The following NPR2 variants were observed in gnomAD, a reference collection of about 807,000 sequenced individuals.
NPR2 encodes natriuretic peptide receptor 2, also known as atrial natriuretic peptide receptor 2.
Under a neutral mutation model 120.7 loss-of-function variants are expected in NPR2, and 49 were observed. That is an observed-to-expected ratio of 0.41 (90% confidence interval 0.32 to 0.52). The LOEUF is 0.52. NPR2 is among the 20% of genes least tolerant of loss of function. The pLI is 0.36. For missense variants in NPR2, 931 were observed against 1,362.9 expected, an observed-to-expected ratio of 0.68 and a Z score of 4.99; for synonymous variants, 484 against 519.8, an observed-to-expected ratio of 0.93 and a Z score of 0.94.
chr9:35,801,122 C>T lies in NPR2; in HGVS notation c.1404C>T (p.Ile468=). 5 of 1,614,100 alleles carry T rather than the reference C, an allele frequency of 3.1e-6. No individual in the cohort carries two copies. Among genetic ancestry groups the T allele is most frequent in the Non-Finnish European group, 4.2e-6 (5 of 1,179,928 alleles). ...IVALGTGITF[I]MFGVSSFLIF... is the part of the protein sequence containing the mutation. ...CTCTGGGCACAGGAATCACCTTCAT[C>T]ATGTTTGGTGTTTCCAGCTTCCTAA... Residue 468 remains isoleucine, a synonymous_variant, in exon 7 of 22, where the codon ATC becomes ATT. Transcript: ENST00000342694.
intron 2 of NPR2, among the ~76,000 whole-genome samples, chr9:35,794,898 G>C (rs750267080): frequency 8.6e-5 from 13 of 152,006 alleles, no homozygotes; most frequent in Non-Finnish European, 7.4e-5. Context: ...GATTAGAAGA[G>C]GGGGAGACCT....
At position 35,802,530 on chromosome 9, in the gene NPR2, A is replaced by T; in HGVS notation, c.1738A>T (p.Thr580Ser). ...HMRDVQFNHL[T>S]RFIGACIDPP... Reference sequence around the variant, plus strand: ...GAGAGATGTTCAGTTCAACCATCTCACTCGCTTCATTGGCGCCTGCATAGA... The same window carrying T: ...GAGAGATGTTCAGTTCAACCATCTCTCTCGCTTCATTGGCGCCTGCATAGA... Residue 580 changes from threonine to serine, a missense_variant, in exon 11 of 22, where the codon ACT (threonine) becomes TCT (serine). Physicochemically the swap from Thr to Ser is moderately conservative, Grantham distance 58. Around this residue, in one of 3 missense-constraint regions of NPR2, gnomAD observed 681 missense variants for 974.3 expected, o/e 0.70. Coordinates refer to ENST00000342694, the MANE Select transcript of NPR2 (RefSeq NM_003995.4). The surrounding 1 kb of genome is among the most constrained non-coding windows in gnomAD (Gnocchi z 4.2). 6.2e-7 allele frequency: 1 copy of T among 1,605,074 alleles called. No homozygotes were observed. The highest frequency in any genetic ancestry group is 8.5e-7 in the Non-Finnish European group (1 of 1,171,800).
chr9:35,802,419 G>GACCT lies in NPR2; in HGVS notation c.1711-84_1711-83insACCT. Reference sequence around the variant, plus strand: ...AATCGTAGATACAACTAAGAGAAAGGTCCTCTTATGTAGTGGTAAGTTTCT... The same window carrying GACCT: ...AATCGTAGATACAACTAAGAGAAAGGACCTTCCTCTTATGTAGTGGTAAGTTTCT... On this transcript the variant is annotated intron_variant, in intron 10 of 21. Coordinates refer to ENST00000342694, the MANE Select transcript of NPR2 (RefSeq NM_003995.4). This position sits in a 1 kb window ranked among gnomAD's most constrained non-coding sequence, Gnocchi z 4.2. The GACCT allele has an allele frequency of 1.1e-6, 1 of 949,696 alleles. No individual in the cohort carries two copies. Among genetic ancestry groups the GACCT allele is most frequent in the Non-Finnish European group, 1.7e-6 (1 of 575,384 alleles). 58.8% of individuals were successfully genotyped at this position (949,696 alleles called of 1,614,324 possible).
chr9:35,803,506 C>T (rs1290556348), intron 12 of NPR2, among the ~76,000 whole-genome samples: 1 of 152,236 alleles, frequency 6.6e-6, no homozygotes, highest in Non-Finnish European at 1.5e-5. Flanking sequence ...CAATATTTGG[C>T]ATGTCTGCCC....
chr9:35,792,261 C>G lies in NPR2; in HGVS notation c.-148C>G. ...ATCTCCCCCTCCTCTCCCCGGCCCC[C>G]AGCACCTTCTGCATCCCAGCCTACC... On this transcript the variant is annotated 5_prime_UTR_variant, in exon 1 of 22. Transcript: ENST00000342694. 1 of 816,948 alleles carries G rather than the reference C, an allele frequency of 1.2e-6. No individual in the cohort carries two copies. Among genetic ancestry groups the G allele is most frequent in the Non-Finnish European group, 1.9e-6 (1 of 531,508 alleles). 50.6% of individuals were successfully genotyped at this position (816,948 alleles called of 1,614,324 possible).
Position 35,809,601 on chromosome 9 carries a change from G to T in NPR2, c.*156G>T. 1 of 1,268,624 alleles carries T rather than the reference G, an allele frequency of 7.9e-7. No individual in the cohort carries two copies. The highest frequency in any genetic ancestry group is 1.1e-6 in the Non-Finnish European group (1 of 871,348). The allele number at this position is 1,268,624 out of a possible 1,614,324, so 78.6% of individuals were successfully genotyped here. ...TATATGGAAGTTGTAGCCCTCTGCA[G>T]CTCAGCCCTGTACATATACCTGTCC... is the stretch of plus-strand genomic sequence containing the variant. On this transcript the variant is annotated 3_prime_UTR_variant, in exon 22 of 22. Coordinates refer to ENST00000342694, the MANE Select transcript of NPR2 (RefSeq NM_003995.4). This position sits in a 1 kb window ranked among gnomAD's most constrained non-coding sequence, Gnocchi z 4.1.
Position 35,791,944 on chromosome 9 carries a change from AC to A in NPR2, c.-460del, listed in dbSNP as rs1827793190. On this transcript the variant is annotated 5_prime_UTR_variant, in exon 1 of 22. It introduces an in-frame stop codon into an upstream open reading frame of the 5' UTR. Transcript: ENST00000342694. The stretch of plus-strand genomic sequence containing the variant: ...CGCGGCGCGGGCACCCTCCCACCTT[AC>A]CCCCTTGGTCCTATGTGGCGCAGCG... Among the ~76,000 whole-genome samples, 1 of 147,202 alleles carries A rather than the reference AC, an allele frequency of 6.8e-6. No homozygotes were observed. Among genetic ancestry groups the A allele is most frequent in the Admixed American group, 6.7e-5 (1 of 14,940 alleles).
At chr9:35,793,352 C>T (rs1428733183) in intron 1 of NPR2, among the ~76,000 whole-genome samples, 1 of 152,088 alleles carries the variant, frequency 6.6e-6, no homozygotes, top group Non-Finnish European at 1.5e-5. Flanking sequence ...TATTAAGTTT[C>T]GGGAGCAATG....
At position 35,806,657 on chromosome 9, in the gene NPR2, C is replaced by A; in HGVS notation, c.2519+119C>A. 9.3e-7 allele frequency: 1 copy of A among 1,073,210 alleles called. No individual in the cohort carries two copies. Among genetic ancestry groups the A allele is most frequent in the African/African-American group, 1.5e-5 (1 of 64,574 alleles). 66.5% of individuals were successfully genotyped at this position (1,073,210 alleles called of 1,614,324 possible). A position where few individuals can be genotyped will look rare whatever the true frequency, so the allele number is the denominator to read the frequency against. On this transcript the variant is annotated intron_variant, in intron 16 of 21. Transcript: ENST00000342694. The surrounding 1 kb of genome is among the most constrained non-coding windows in gnomAD (Gnocchi z 4.6). The stretch of plus-strand genomic sequence containing the variant: ...TCAGAACCCTGCTGGCCACAGGGAG[C>A]ACCCCTGCTTATAGATTATTTGCTG...
Position 35,800,070 on chromosome 9 carries a change from G to A in NPR2, c.1036G>A (p.Glu346Lys). The change falls in exon 4 of 22, where the codon GAA becomes AAA. Residue 346 changes from glutamate to lysine, a missense_variant. Transcript: ENST00000342694. This position sits in a 1 kb window ranked among gnomAD's most constrained non-coding sequence, Gnocchi z 4.7. Reference protein sequence around the residue: ...CFYDGILLYAEVLNETIQEGG... With the variant: ...CFYDGILLYAKVLNETIQEGG... Reference sequence around the variant, plus strand: ...CTATGATGGGATCCTGCTATATGCTGAAGTCCTGAATGAGACAATACAGGA... The same window carrying A: ...CTATGATGGGATCCTGCTATATGCTAAAGTCCTGAATGAGACAATACAGGA... 1 of 1,614,156 alleles carries A rather than the reference G, an allele frequency of 6.2e-7. No individual in the cohort carries two copies. The highest frequency in any genetic ancestry group is 8.5e-7 in the Non-Finnish European group (1 of 1,180,012).
At chr9:35,793,650 T>C (rs1162246914) in intron 1 of NPR2, among the ~76,000 whole-genome samples, 3 of 152,058 alleles carry the variant, frequency 2.0e-5, no homozygotes, top group Non-Finnish European at 4.4e-5. Context: ...GGGAGGGGCT[T>C]GAGAGTGACA....
Position 35,805,387 on chromosome 9 carries a change from A to G in NPR2, c.1888-124A>G. On this transcript the variant is annotated intron_variant, in intron 12 of 21. Transcript: ENST00000342694. This position sits in a 1 kb window ranked among gnomAD's most constrained non-coding sequence, Gnocchi z 4.9. ...GTGGAAACTGCAAAGGATGCCTTCC[A>G]AAATCAGCTTATTATTTTTGTGGAC... is the stretch of plus-strand genomic sequence containing the variant. 1 of 996,650 alleles carries G rather than the reference A, an allele frequency of 1.0e-6. No homozygotes were observed. The highest frequency in any genetic ancestry group is 1.6e-6 in the Non-Finnish European group (1 of 630,406). 61.7% of individuals were successfully genotyped at this position (996,650 alleles called of 1,614,324 possible).
chr9:35,796,921 G>A (rs539270427), intron 2 of NPR2, among the ~76,000 whole-genome samples: 58 of 152,330 alleles, frequency 3.8e-4, no homozygotes, highest in South Asian at 2.3e-3. Flanking sequence ...GGAAAAGGTG[G>A]CAATAGAGGA....
chr9:35,792,277 C>A lies in NPR2; in HGVS notation c.-132C>A. The A allele has an allele frequency of 1.0e-6, 1 of 976,414 alleles. No individual in the cohort carries two copies. The highest frequency in any genetic ancestry group is 1.5e-6 in the Non-Finnish European group (1 of 676,098). The allele number at this position is 976,414 out of a possible 1,614,324, so 60.5% of individuals were successfully genotyped here. ...CCCGGCCCCCAGCACCTTCTGCATCCCAGCCTACCTAGCCTACTCCTCCTC... is the reference window on the plus strand; with the variant it reads ...CCCGGCCCCCAGCACCTTCTGCATCACAGCCTACCTAGCCTACTCCTCCTC... On this transcript the variant is annotated 5_prime_UTR_variant, in exon 1 of 22. Coordinates refer to ENST00000342694, the MANE Select transcript of NPR2 (RefSeq NM_003995.4).
chr9:35,809,401 T>TA lies in NPR2; in HGVS notation c.3101dup (p.Tyr1034Ter). The change falls in exon 22 of 22, where the codon TAC becomes TAAC. Residue 1034 changes from tyrosine (Y) to a stop codon, truncating the protein, a stop_gained and frameshift_variant. Coordinates refer to ENST00000342694, the MANE Select transcript of NPR2 (RefSeq NM_003995.4). LOFTEE classifies it high-confidence loss of function. The surrounding 1 kb of genome is among the most constrained non-coding windows in gnomAD (Gnocchi z 4.1). ...CCAGGGAAAAGGAAAGATGCGAACATACTGGCTCTTAGGAGAGCGGAAAGG... is the reference window on the plus strand; with the variant it reads ...CCAGGGAAAAGGAAAGATGCGAACATAACTGGCTCTTAGGAGAGCGGAAAGG... The part of the protein sequence containing the change: ...EMKGKGKMRT[Y>*]WLLGERKGPP... 1 of 1,614,188 alleles carries TA rather than the reference T, an allele frequency of 6.2e-7. No homozygotes were observed. Among genetic ancestry groups the TA allele is most frequent in the East Asian group, 2.2e-5 (1 of 44,882 alleles).
Position 35,801,607 on chromosome 9 carries a change from G to A in NPR2, c.1437-36G>A, listed in dbSNP as rs368130581. 2.9e-5 allele frequency: 47 copies of A among 1,613,822 alleles called. No individual in the cohort carries two copies. The African/African-American group carries it at 3.9e-4, about 13-fold the overall frequency. ...TGTTGGCTTGGGGGTGGCAGGATTC[G>A]GCTTGCCAGTCAACTGAGGTGTGCA... On this transcript the variant is annotated intron_variant, in intron 7 of 21. Transcript: ENST00000342694.
Position 35,806,040 on chromosome 9 carries a change from C to T in NPR2, c.2204-25C>T. 1.2e-6 allele frequency: 2 copies of T among 1,614,164 alleles called. No homozygotes were observed. The highest frequency in any genetic ancestry group is 1.6e-4 in the Middle Eastern group (1 of 6,062). ...TTCTTCCTGGGGGAACTCTGTTCTT[C>T]ATCCAAACCTTTGATCACCCTCAGA... On this transcript the variant is annotated intron_variant, in intron 14 of 21. Transcript: ENST00000342694. The surrounding 1 kb of genome is among the most constrained non-coding windows in gnomAD (Gnocchi z 4.6).
chr9:35,805,356 C>G lies in NPR2; in HGVS notation c.1888-155C>G, dbSNP rs942630172. Among the ~76,000 whole-genome samples the G allele has an allele frequency of 3.9e-5, 6 of 152,198 alleles. No individual in the cohort carries two copies. The highest frequency in any genetic ancestry group is 1.4e-4 in the African/African-American group (6 of 41,440). ...GATGACTCTTCTGTTCTTCCTGCTT[C>G]CTTGGGTGGAAACTGCAAAGGATGC... is the stretch of plus-strand genomic sequence containing the variant. On this transcript the variant is annotated intron_variant, in intron 12 of 21. Transcript: ENST00000342694. The surrounding 1 kb of genome is among the most constrained non-coding windows in gnomAD (Gnocchi z 4.9).
At chr9:35,794,255 C>G in intron 2 of NPR2, 152 bp downstream of exon 2, 1 of 727,794 alleles carries the variant, frequency 1.4e-6, no homozygotes, top group Non-Finnish European at 2.2e-6. Context: ...CTAGTGTCAC[C>G]CTTTCTTACT....
Sources: allele counts gnomAD v4.1 joint callset (sites outside exome capture counted in the v4.1 genomes callset), GRCh38; gene constraint gnomAD v4.1.1; regional missense constraint gnomAD v4.1.1; non-coding constraint Gnocchi (gnomAD v3.1); transcripts MANE v1.5; gene names NCBI Gene and HGNC (gene_info 2026-07-23, HGNC 2026-07-21).